EEFSEC: variants seen among roughly 807,000 people sequenced by gnomAD.
EEFSEC encodes the protein eukaryotic elongation factor, selenocysteine-tRNA specific, also known as selenocysteine-specific elongation factor.
A neutral mutation model predicts 42.1 loss-of-function variants in EEFSEC; 43 were observed. The ratio of observed to expected loss-of-function variants is 1.02; its 90% CI spans 0.80 to 1.32. The LOEUF is 1.32. Among genes scored for constraint, EEFSEC ranks in the 40% most tolerant of loss-of-function variants. The pLI is 0.00. For missense variants in EEFSEC, 745 were observed against 803.6 expected (o/e 0.93, Z 0.88); for synonymous variants, 354 against 339.1 (o/e 1.04, Z -0.48).
At chr3:128,300,386 G>A (rs895627568) in intron 4 of EEFSEC, among the ~76,000 whole-genome samples, 1 of 152,006 alleles carries the variant, frequency 6.6e-6, no homozygotes, top group Non-Finnish European at 1.5e-5. Context: ...GGTGGATCAC[G>A]AGGTCAAGAG....
At chr3:128,275,761 A>T (rs2811527) in intron 4 of EEFSEC, among the ~76,000 whole-genome samples, 10 of 152,172 alleles carry the variant, frequency 6.6e-5, no homozygotes, top group African/African-American at 2.4e-4. Flanking sequence ...AGTGTCTGGC[A>T]TGACTGAGGT....
At chr3:128,338,033 C>T (rs1233691989) in intron 4 of EEFSEC, among the ~76,000 whole-genome samples, 2 of 152,200 alleles carry the variant, frequency 1.3e-5, no homozygotes, top group African/African-American at 2.4e-5. Flanking sequence ...GATAGGAGTC[C>T]AGGTTGTGCT....
chr3:128,267,260 T>C (rs959180497), intron 4 of EEFSEC, among the ~76,000 whole-genome samples: 3 of 152,182 alleles, frequency 2.0e-5, no homozygotes, highest in Admixed American at 6.5e-5. Flanking sequence ...CTGAGCTTTT[T>C]GGCCACCCTC....
chr3:128,211,498 T>C (rs2065755807), intron 1 of EEFSEC, among the ~76,000 whole-genome samples: 1 of 151,790 alleles, frequency 6.6e-6, no homozygotes, highest in South Asian at 2.1e-4. Flanking sequence ...AAATTTAGAC[T>C]GACCAAAAGA....
At chr3:128,217,412 G>A (rs568444720) in intron 1 of EEFSEC, among the ~76,000 whole-genome samples, 17 of 152,206 alleles carry the variant, frequency 1.1e-4, no homozygotes, top group African/African-American at 4.1e-4. Flanking sequence ...GGGTAGTAGT[G>A]GTGTCCTGTT....
At chr3:128,166,598 A>G (rs954169700) in intron 1 of EEFSEC, among the ~76,000 whole-genome samples, 1 of 152,014 alleles carries the variant, frequency 6.6e-6, no homozygotes, top group African/African-American at 2.4e-5. Flanking sequence ...ATTTGGTTAT[A>G]AGAACTGTCA....
At chr3:128,244,796 A>G (rs969016735) in intron 1 of EEFSEC, among the ~76,000 whole-genome samples, 1 of 152,196 alleles carries the variant, frequency 6.6e-6, no homozygotes, top group African/African-American at 2.4e-5. Flanking sequence ...ACACACACGT[A>G]TACCTTATCC....
intron 1 of EEFSEC, among the ~76,000 whole-genome samples, chr3:128,206,150 G>C (rs961107007): frequency 6.6e-6 from 1 of 152,188 alleles, no homozygotes; most frequent in Non-Finnish European, 1.5e-5. Context: ...ATGATGGTGG[G>C]TGTGTGGAGC....
At chr3:128,360,617 G>T (rs73861050) in intron 6 of EEFSEC, among the ~76,000 whole-genome samples, 17,296 of 151,720 alleles carry the variant, frequency 0.11, 2,300 homozygotes, top group African/African-American at 0.33. Context: ...AGGAGTCTTG[G>T]TTGGGCTGCT....
At chr3:128,273,257 A>T (rs1205311026) in intron 4 of EEFSEC, among the ~76,000 whole-genome samples, 10 of 152,140 alleles carry the variant, frequency 6.6e-5, no homozygotes, top group Admixed American at 6.5e-4. Context: ...TGAGGATTTG[A>T]ATCACACCTG....
chr3:128,340,293 A>G (rs548987446), intron 4 of EEFSEC, among the ~76,000 whole-genome samples: 1 of 152,112 alleles, frequency 6.6e-6, no homozygotes, highest in Non-Finnish European at 1.5e-5. Context: ...GGCCTTCTCT[A>G]TCACATCACC....
intron 4 of EEFSEC, among the ~76,000 whole-genome samples, chr3:128,304,976 T>C (rs1397355202): frequency 6.6e-6 from 1 of 152,236 alleles, no homozygotes; most frequent in Admixed American, 6.5e-5. Flanking sequence ...AGTGCTGGAA[T>C]TGCAGGCATG....
At chr3:128,158,696 G>C (rs1476654259) in intron 1 of EEFSEC, among the ~76,000 whole-genome samples, 1 of 152,242 alleles carries the variant, frequency 6.6e-6, no homozygotes, top group South Asian at 2.1e-4. Flanking sequence ...GACATGTCAT[G>C]TAAACATAAC....
intron 1 of EEFSEC, among the ~76,000 whole-genome samples, chr3:128,166,539 G>A (rs1211916251): frequency 6.6e-6 from 1 of 152,154 alleles, no homozygotes; most frequent in Non-Finnish European, 1.5e-5. Flanking sequence ...GAATGACTAG[G>A]TTCTGTGTCC....
downstream of EEFSEC, among the ~76,000 whole-genome samples, chr3:128,413,195 G>A (rs532051150): frequency 1.6e-3 from 249 of 152,318 alleles, no homozygotes; most frequent in African/African-American, 5.4e-3. Context: ...GGCCTGGGAG[G>A]AAGAGGACGT....
intron 1 of EEFSEC, among the ~76,000 whole-genome samples, chr3:128,240,343 A>G (rs2955078): frequency 0.86 from 130,576 of 152,134 alleles, 56,250 homozygotes; most frequent in East Asian, 0.99. Context: ...TCTGCAGGAG[A>G]CATCTTTGTT....
chr3:128,305,337 G>T (rs1048863621), intron 4 of EEFSEC, among the ~76,000 whole-genome samples: 2 of 151,936 alleles, frequency 1.3e-5, no homozygotes, highest in Non-Finnish European at 2.9e-5. Flanking sequence ...GAAATGTCTG[G>T]TTGGCAATTT....
At chr3:128,364,516 A>G (rs2067565569) in intron 6 of EEFSEC, among the ~76,000 whole-genome samples, 1 of 152,212 alleles carries the variant, frequency 6.6e-6, no homozygotes, top group Non-Finnish European at 1.5e-5. Context: ...AGGGTCAGGA[A>G]AAGGCCAGGA....
At chr3:128,391,911 C>T (rs1439803767) in intron 6 of EEFSEC, among the ~76,000 whole-genome samples, 4 of 152,164 alleles carry the variant, frequency 2.6e-5, no homozygotes, top group African/African-American at 9.7e-5. Context: ...CGCCCAGCAC[C>T]ATGGATGCCC....
Sources: gnomAD v4.1 joint callset for allele counts (sites outside exome capture counted in the v4.1 genomes callset) on GRCh38, gnomAD v4.1.1 for gene constraint, MANE v1.5 for transcripts, NCBI Gene and HGNC (gene_info 2026-07-23, HGNC 2026-07-21) for gene names.